The following ERV3-1 variants were observed in gnomAD, a reference collection of about 807,000 sequenced individuals.
ERV3-1 encodes endogenous retrovirus group 3 member 1 Env polyprotein.
ERV3-1 carries 36 observed loss-of-function variants against 24.6 expected under a neutral mutation model. The ratio of observed to expected loss-of-function variants is 1.47; its 90% CI spans 1.12 to 1.94. ERV3-1 has a LOEUF of 1.94. Among genes scored for constraint, ERV3-1 ranks in the 30% most tolerant of loss-of-function variants. The probability of loss-of-function intolerance (pLI) is 0.00; values close to 1 mark genes in which losing one functional copy is unlikely to be tolerated. For missense variants in ERV3-1, 578 were observed against 330.9 expected, an observed-to-expected ratio of 1.75 and a Z score of -5.79; for synonymous variants, 211 against 122.6, an observed-to-expected ratio of 1.72 and a Z score of -4.76.
chr7:64,997,898 G>C (rs1786438977), intron 1 of ERV3-1, among the ~76,000 whole-genome samples: 1 of 152,128 alleles, frequency 6.6e-6, no homozygotes, highest in African/African-American at 2.4e-5. Context: ...ATAAAAGTCG[G>C]TTGCCCCCCC....
chr7:65,000,077 T>A (rs1786486541), intron 1 of ERV3-1, among the ~76,000 whole-genome samples: 1 of 152,104 alleles, frequency 6.6e-6, no homozygotes, highest in Non-Finnish European at 1.5e-5. Flanking sequence ...AATTATTCTA[T>A]CATAAAGATA....
At chr7:64,994,814 C>T (rs146568494) in intron 1 of ERV3-1, among the ~76,000 whole-genome samples, 226 of 152,388 alleles carry the variant, frequency 1.5e-3, no homozygotes, top group Middle Eastern at 3.4e-3. Flanking sequence ...GGGCTGCTAG[C>T]TCTGCCTTCT....
intron 1 of ERV3-1, among the ~76,000 whole-genome samples, chr7:64,995,115 T>C (rs1299902439): frequency 1.3e-5 from 2 of 152,258 alleles, no homozygotes; most frequent in Admixed American, 1.3e-4. Flanking sequence ...ATAGGAGCCC[T>C]TGGTATCAAG....
In ERV3-1 at chr7:64,990,465, A is replaced by C; in HGVS notation, c.*747T>G. ...CTTGACTTTTATACATGCATCAGGC[A>C]GGGGCAAGTCGGGTTTTTGGCGCAA... On this transcript the variant is annotated 3_prime_UTR_variant, in exon 2 of 2. Transcript: ENST00000394323. 1 of 184,362 alleles carries C rather than the reference A, an allele frequency of 5.4e-6. No homozygotes were observed. Among genetic ancestry groups the C allele is most frequent in the Non-Finnish European group, 1.1e-5 (1 of 87,914 alleles). The allele number at this position is 184,362 out of a possible 1,614,324, so 11.4% of individuals were successfully genotyped here. A position where few individuals can be genotyped will look rare whatever the true frequency, so the allele number is the denominator to read the frequency against.
chr7:64,994,585 G>A lies in ERV3-1; in HGVS notation c.-388-1171C>T, dbSNP rs1786360991. On this transcript the variant is annotated intron_variant, in intron 1 of 1. Transcript: ENST00000394323. ...TTTGCCTCTGACGTCCCTGCCCTCT[G>A]GTGTCCCCTGCAGTGCATAGCTGCT... 3.3e-5 allele frequency among the ~76,000 whole-genome samples: 5 copies of A among 152,172 alleles called. No homozygotes were observed. In the South Asian group the frequency reaches 1.0e-3, roughly 32 times the overall value.
chr7:64,991,919 C>T lies in ERV3-1; in HGVS notation c.1108G>A (p.Glu370Lys), dbSNP rs199963875. 33 of 766,322 alleles carry T rather than the reference C, an allele frequency of 4.3e-5. No individual in the cohort carries two copies. Among genetic ancestry groups the T allele is most frequent in the Admixed American group, 3.4e-4 (20 of 59,018 alleles). 47.5% of individuals were successfully genotyped at this position (766,322 alleles called of 1,614,324 possible). Residue 370 changes from glutamate (E) to lysine (K), a missense_variant, in exon 2 of 2, where the codon GAG (glutamate) becomes AAG (lysine). Glu to Lys is a moderately conservative substitution (Grantham distance 56, BLOSUM62 1). Transcript: ENST00000394323. ...CTCCATAAAGTCTTTCCTAGTGTCT[C>T]GTTGTAATATTGTTGTCCTAGGCAA... Reference protein sequence around the residue: ...LTCLGQQYYNETLGKTLWRGK... With the variant: ...LTCLGQQYYNKTLGKTLWRGK...
rs150101142 is a variant in ERV3-1, at chr7:64,992,067, G to A, written c.960C>T (p.Thr320=). The A allele has an allele frequency of 1.9e-4, 146 of 766,344 alleles. No individual in the cohort carries two copies. The highest frequency in any genetic ancestry group is 1.6e-3 in the African/African-American group (95 of 59,208). The allele number at this position is 766,344 out of a possible 1,614,324, so 47.5% of individuals were successfully genotyped here. ...ATGGTGCAGGTTCGAGGGAAGAGGC[G>A]GTTAGTGTGAAATTATCTTGGGGCA... ...ELMPQDNFTL[T]ASSLEPAPSS... is the part of the protein sequence containing the mutation. Residue 320 remains threonine, a synonymous_variant, in exon 2 of 2, where the codon ACC becomes ACT. Transcript: ENST00000394323.
In ERV3-1 at chr7:64,992,123, C is replaced by G. The variant is rs368224901; in HGVS notation, c.904G>C (p.Asp302His). ...TCCCTTGCTTCCCATGGCCATTGGT[C>G]TCCCATGTTCATTCCCCCACAGACA... The part of the protein sequence containing the change: ...CYVCGGMNMG[D>H]QWPWEARELM... Residue 302 changes from aspartate (D) to histidine (H), a missense_variant, in exon 2 of 2, where the codon GAC (aspartate) becomes CAC (histidine). Coordinates refer to ENST00000394323, the MANE Select transcript of ERV3-1 (RefSeq NM_001007253.4). 20 of 766,244 alleles carry G rather than the reference C, an allele frequency of 2.6e-5. No homozygotes were observed. The highest frequency in any genetic ancestry group is 4.1e-5 in the Non-Finnish European group (17 of 417,910). 47.5% of individuals were successfully genotyped at this position (766,244 alleles called of 1,614,324 possible). A position where few individuals can be genotyped will look rare whatever the true frequency, so the allele number is the denominator to read the frequency against.
At chr7:64,995,281 C>T (rs1786383306) in intron 1 of ERV3-1, among the ~76,000 whole-genome samples, 2 of 152,176 alleles carry the variant, frequency 1.3e-5, no homozygotes, top group African/African-American at 2.4e-5. Flanking sequence ...GCAAGGAGGC[C>T]ACCCTAGCAC....
At position 64,992,842 on chromosome 7, in the gene ERV3-1, G is replaced by A; in HGVS notation, c.185C>T (p.Thr62Ile). ...GACTGAGTAGGTTGTCTGGTTGTGA[G>A]TACAAGTTCCTAGGCAGGTCCCAGC... is the stretch of plus-strand genomic sequence containing the variant. ...ECAGTCLGTC[T>I]HNQTTYSVCD... Residue 62 changes from threonine to isoleucine, a missense_variant, in exon 2 of 2, where the codon ACT becomes ATT. Transcript: ENST00000394323. 3.9e-6 allele frequency: 3 copies of A among 766,420 alleles called. No homozygotes were observed. The highest frequency in any genetic ancestry group is 7.2e-6 in the Non-Finnish European group (3 of 417,910). 47.5% of individuals were successfully genotyped at this position (766,420 alleles called of 1,614,324 possible).
Position 64,993,248 on chromosome 7 carries a change from C to T in ERV3-1, c.-222G>A, listed in dbSNP as rs562363740. On this transcript the variant is annotated 5_prime_UTR_variant, in exon 2 of 2. Transcript: ENST00000394323. ...AAGCTTCAGCCGTGTGTGGACTGGT[C>T]AGCTTCCGGAGTGACCAGAGCAGGG... is the stretch of plus-strand genomic sequence containing the variant. 37 of 531,576 alleles carry T rather than the reference C, an allele frequency of 7.0e-5. 1 individual carries two copies. In the South Asian group the frequency reaches 8.2e-4, roughly 12 times the overall value. 32.9% of individuals were successfully genotyped at this position (531,576 alleles called of 1,614,324 possible).
Position 65,006,600 on chromosome 7 carries a change from G to C in ERV3-1, c.-448C>G. 1 of 1,568,864 alleles carries C rather than the reference G, an allele frequency of 6.4e-7. No individual in the cohort carries two copies. The highest frequency in any genetic ancestry group is 1.1e-5 in the South Asian group (1 of 90,228). The stretch of plus-strand genomic sequence containing the variant: ...GCTGTGGATCTCCCAATACCTGCAG[G>C]TAACGAGGCCACAGAAGCTGGGCCT... On this transcript the variant is annotated 5_prime_UTR_variant, in exon 1 of 2. Transcript: ENST00000394323.
chr7:65,001,668 T>C (rs1786527096), intron 1 of ERV3-1, among the ~76,000 whole-genome samples: 1 of 152,186 alleles, frequency 6.6e-6, no homozygotes, highest in Non-Finnish European at 1.5e-5. Flanking sequence ...TGACAGCCTG[T>C]GTACAGGAGA....
chr7:64,990,959 C>A lies in ERV3-1; in HGVS notation c.*253G>T. ...TTTATAAGTAAAGTTTAAGAGAAAG[C>A]ATCACTATCTTCATTTACTTCAAGA... On this transcript the variant is annotated 3_prime_UTR_variant, in exon 2 of 2. Transcript: ENST00000394323. 2.9e-6 allele frequency: 1 copy of A among 341,070 alleles called. No homozygotes were observed. The highest frequency in any genetic ancestry group is 1.0e-4 in the South Asian group (1 of 9,676). The allele number at this position is 341,070 out of a possible 1,614,324, so 21.1% of individuals were successfully genotyped here.
rs1247994044 is a variant in ERV3-1 at position 64,990,743 on chromosome 7, A to C, written c.*469T>G. Reference sequence around the variant, plus strand: ...GAGAGAATTTCAAACAGGGAAACTGATAAGGAGAACTTGTTTTTCTCATCC... The same window carrying C: ...GAGAGAATTTCAAACAGGGAAACTGCTAAGGAGAACTTGTTTTTCTCATCC... On this transcript the variant is annotated 3_prime_UTR_variant, in exon 2 of 2. Coordinates refer to ENST00000394323, the MANE Select transcript of ERV3-1 (RefSeq NM_001007253.4). The C allele has an allele frequency of 1.3e-5, 2 of 153,230 alleles. No homozygotes were observed. Among genetic ancestry groups the C allele is most frequent in the East Asian group, 1.9e-4 (1 of 5,184 alleles). 9.5% of individuals were successfully genotyped at this position (153,230 alleles called of 1,614,324 possible). A position where few individuals can be genotyped will look rare whatever the true frequency, so the allele number is the denominator to read the frequency against.
intron 1 of ERV3-1, chr7:65,005,074 A>G (rs1786613812): frequency 1.3e-5 from 2 of 157,894 alleles, no homozygotes; most frequent in African/African-American, 2.4e-5. Flanking sequence ...AAGGAAGAGT[A>G]CCCCAGGAGA....
Position 64,992,083 on chromosome 7 carries a change from T to C in ERV3-1, c.944A>G (p.Asp315Gly), listed in dbSNP as rs1786282630. 1.3e-6 allele frequency: 1 copy of C among 766,312 alleles called. No individual in the cohort carries two copies. The highest frequency in any genetic ancestry group is 1.7e-5 in the African/African-American group (1 of 59,124). 47.5% of individuals were successfully genotyped at this position (766,312 alleles called of 1,614,324 possible). ...PWEARELMPQ[D>G]NFTLTASSLE... The stretch of plus-strand genomic sequence containing the variant: ...GGAAGAGGCGGTTAGTGTGAAATTA[T>C]CTTGGGGCATTAGTTCCCTTGCTTC... The change falls in exon 2 of 2, where the codon GAT becomes GGT. Residue 315 changes from aspartate (D) to glycine (G), a missense_variant. Transcript: ENST00000394323.
At chr7:65,002,856 A>C (rs538353454) in intron 1 of ERV3-1, among the ~76,000 whole-genome samples, 8 of 152,306 alleles carry the variant, frequency 5.3e-5, no homozygotes, top group Non-Finnish European at 8.8e-5. Flanking sequence ...CCTAAGAAAG[A>C]AAGCCTTTAT....
intron 1 of ERV3-1, among the ~76,000 whole-genome samples, chr7:65,003,210 T>G (rs747771401): frequency 2.6e-5 from 4 of 152,210 alleles, no homozygotes; most frequent in Non-Finnish European, 4.4e-5. Flanking sequence ...CCTCCCTGGC[T>G]GGGTGCAGTG....
Sources: allele counts gnomAD v4.1 joint callset (sites outside exome capture counted in the v4.1 genomes callset), GRCh38; gene constraint gnomAD v4.1.1; transcripts MANE v1.5; gene names NCBI Gene and HGNC (gene_info 2026-07-23, HGNC 2026-07-21).